MYO18B: variants seen among roughly 807,000 people sequenced by gnomAD.
MYO18B encodes unconventional myosin-XVIIIb.
A neutral mutation model predicts 273.0 loss-of-function variants in MYO18B; 204 were observed. The observed-to-expected ratio is 0.75, with a 90% CI of 0.67 to 0.84. The LOEUF is 0.84. Ranked by LOEUF, MYO18B falls within the 40% of genes least tolerant of loss-of-function variation. The pLI, the probability that MYO18B is intolerant of heterozygous loss-of-function variation, is 0.00. For synonymous variants in MYO18B, 1,330 were observed against 1,305.7 expected (o/e 1.02, Z -0.40); for missense variants, 3,212 against 3,287.6 (o/e 0.98, Z 0.56).
intron 12 of MYO18B, among the ~76,000 whole-genome samples, chr22:25,803,823 T>A (rs1601744510): frequency 6.6e-6 from 1 of 152,236 alleles, no homozygotes; most frequent in East Asian, 1.9e-4. Flanking sequence ...GTCCTGCAGA[T>A]CCCATGGTAG....
At chr22:25,864,884 C>T (rs1346960518) in intron 21 of MYO18B, among the ~76,000 whole-genome samples, 1 of 152,192 alleles carries the variant, frequency 6.6e-6, no homozygotes, top group East Asian at 1.9e-4. Flanking sequence ...CTGGGCAATT[C>T]CAGTACATGG....
At chr22:25,873,203 C>G (rs2091096274) in intron 22 of MYO18B, among the ~76,000 whole-genome samples, 1 of 152,198 alleles carries the variant, frequency 6.6e-6, no homozygotes, top group Non-Finnish European at 1.5e-5. Flanking sequence ...TCCCTGCAGT[C>G]TACTAGAAGG....
intron 25 of MYO18B, among the ~76,000 whole-genome samples, chr22:25,885,403 G>A (rs915903436): frequency 6.6e-6 from 1 of 152,126 alleles, no homozygotes; most frequent in Non-Finnish European, 1.5e-5. Context: ...GGTCAGGGAG[G>A]GCTTCACGGG....
chr22:25,991,908 C>A (rs1434848128), intron 39 of MYO18B, among the ~76,000 whole-genome samples: 1 of 87,558 alleles, frequency 1.1e-5, no homozygotes, highest in African/African-American at 7.6e-5. Context: ...GTTTAGGGGA[C>A]AGACTTGAAA....
At chr22:25,985,815 A>G (rs2093196592) in intron 39 of MYO18B, among the ~76,000 whole-genome samples, 1 of 151,988 alleles carries the variant, frequency 6.6e-6, no homozygotes, top group Non-Finnish European at 1.5e-5. Flanking sequence ...TATTTTTAAT[A>G]CAGCTGGGGT....
intron 1 of MYO18B, among the ~76,000 whole-genome samples, chr22:25,747,243 CG>C (rs1402528920): frequency 6.6e-6 from 1 of 152,232 alleles, no homozygotes; most frequent in Non-Finnish European, 1.5e-5. Context: ...TCATGGTGGC[CG>C]GGAAACACTA....
At chr22:25,755,934 G>A (rs1044124814) in intron 1 of MYO18B, among the ~76,000 whole-genome samples, 33 of 150,480 alleles carry the variant, frequency 2.2e-4, no homozygotes, top group Non-Finnish European at 1.0e-4. Context: ...CCCCACCCCC[G>A]TTGCCCAGGC....
chr22:26,029,138 C>G (rs1285637401), intron 43 of MYO18B, among the ~76,000 whole-genome samples: 1 of 152,182 alleles, frequency 6.6e-6, no homozygotes, highest in African/African-American at 2.4e-5. Context: ...GGGACACATT[C>G]CAGGCATCTT....
chr22:25,828,742 T>C (rs933113645), intron 14 of MYO18B, 34 bp from the exon 15 acceptor site: 1 of 1,594,042 alleles, frequency 6.3e-7, no homozygotes, highest in Non-Finnish European at 8.6e-7. Flanking sequence ...TTCCATGCCA[T>C]CTCAGACATT....
At chr22:25,954,688 C>A (rs1348404705) in intron 38 of MYO18B, among the ~76,000 whole-genome samples, 1 of 152,084 alleles carries the variant, frequency 6.6e-6, no homozygotes, top group Non-Finnish European at 1.5e-5. Flanking sequence ...GCTACACTGC[C>A]TCTCAGAATA....
chr22:25,963,038 GT>G (rs913558305), intron 39 of MYO18B, among the ~76,000 whole-genome samples: 1 of 151,768 alleles, frequency 6.6e-6, no homozygotes, highest in Non-Finnish European at 1.5e-5. Context: ...TCTTCAACCT[GT>G]TTTCTTTTGC....
intron 17 of MYO18B, among the ~76,000 whole-genome samples, chr22:25,839,207 C>T (rs192172017): frequency 1.2e-4 from 17 of 141,354 alleles, no homozygotes; most frequent in South Asian, 1.2e-3. Flanking sequence ...TATGTGTGCA[C>T]GTGTGTATAT....
At chr22:25,895,059 G>A in intron 27 of MYO18B, 97 bp from the exon 28 acceptor site, 1 of 1,400,356 alleles carries the variant, frequency 7.1e-7, no homozygotes, top group South Asian at 1.4e-5. Flanking sequence ...TTGTGAAATT[G>A]CATGCCAAGA....
At position 25,955,378 on chromosome 22, in the gene MYO18B, C is replaced by A. The variant is rs751959681; in HGVS notation, c.6156+14C>A. 1 of 1,597,752 alleles carries A rather than the reference C, an allele frequency of 6.3e-7. No individual in the cohort carries two copies. The highest frequency in any genetic ancestry group is 1.1e-5 in the South Asian group (1 of 90,050). ...TGCATGGAGCTGGTGAGTCCTGTCC[C>A]CATCATGGGCTCTTAGCGACTGAGG... On this transcript the variant is annotated intron_variant, in intron 39 of 43. Coordinates refer to ENST00000335473, the MANE Select transcript of MYO18B (RefSeq NM_032608.7).
chr22:25,987,639 A>C (rs1373148609), intron 39 of MYO18B, among the ~76,000 whole-genome samples: 1 of 152,182 alleles, frequency 6.6e-6, no homozygotes, highest in African/African-American at 2.4e-5. Context: ...CACTGGTAAT[A>C]CAGATGATTT....
At chr22:25,878,779 G>C (rs920506452) in intron 25 of MYO18B, among the ~76,000 whole-genome samples, 1 of 152,222 alleles carries the variant, frequency 6.6e-6, no homozygotes, top group African/African-American at 2.4e-5. Context: ...ATTTACTGCT[G>C]CTGGGATCAT....
chr22:25,988,693 G>C (rs57973963), intron 39 of MYO18B, among the ~76,000 whole-genome samples: 2 of 152,176 alleles, frequency 1.3e-5, no homozygotes, highest in African/African-American at 4.8e-5. Flanking sequence ...GGATGACACT[G>C]TTCTTCCTGA....
chr22:25,972,443 G>A (rs1043327452), intron 39 of MYO18B, among the ~76,000 whole-genome samples: 7 of 152,182 alleles, frequency 4.6e-5, no homozygotes, highest in Non-Finnish European at 7.3e-5. Flanking sequence ...TCAATTTCGT[G>A]TGACTTATGG....
chr22:25,955,236 G>T lies in MYO18B; in HGVS notation c.6028G>T (p.Ala2010Ser), dbSNP rs375075763. The part of the protein sequence containing the change: ...LIKMGEELSQ[A>S]ATSESQQRES... Reference sequence around the variant, plus strand: ...CAAGATGGGGGAGGAGCTTTCACAGGCGGCCACCTCCGAGTCCCAGCAGCG... The same window carrying T: ...CAAGATGGGGGAGGAGCTTTCACAGTCGGCCACCTCCGAGTCCCAGCAGCG... Residue 2010 changes from alanine to serine, a missense_variant, in exon 39 of 44, where the codon GCG becomes TCG. Physicochemically the swap from Ala to Ser is moderately conservative, Grantham distance 99. Coordinates refer to ENST00000335473, the MANE Select transcript of MYO18B (RefSeq NM_032608.7). 1.4e-5 allele frequency: 22 copies of T among 1,613,384 alleles called. No homozygotes were observed. Among genetic ancestry groups the T allele is most frequent in the Non-Finnish European group, 1.8e-5 (21 of 1,179,788 alleles).
Sources: allele counts gnomAD v4.1 joint callset (sites outside exome capture counted in the v4.1 genomes callset), GRCh38; gene constraint gnomAD v4.1.1; transcripts MANE v1.5; gene names NCBI Gene and HGNC (gene_info 2026-07-23, HGNC 2026-07-21).